XYLT1: variants seen among roughly 807,000 people sequenced by gnomAD.
XYLT1 encodes beta-D-xylosyltransferase 1.
XYLT1 carries 36 observed loss-of-function variants against 91.3 expected under a neutral mutation model. The observed-to-expected ratio is 0.39, with a 90% CI of 0.30 to 0.52. XYLT1 has a LOEUF of 0.52. Ranked by LOEUF, XYLT1 falls within the 20% of genes least tolerant of loss-of-function variation. XYLT1 has a pLI of 0.68. For synonymous variants in XYLT1, 588 were observed against 532.0 expected, an observed-to-expected ratio of 1.11 and a Z score of -1.45; for missense variants, 1,242 against 1,284.5, an observed-to-expected ratio of 0.97 and a Z score of 0.51.
At chr16:17,426,644 T>A (rs2036322436) in intron 1 of XYLT1, among the ~76,000 whole-genome samples, 1 of 152,238 alleles carries the variant, frequency 6.6e-6, no homozygotes, top group African/African-American at 2.4e-5. Flanking sequence ...CACCTGTTTC[T>A]GTAAATAAAG....
chr16:17,218,315 G>A (rs1190152917), intron 3 of XYLT1, among the ~76,000 whole-genome samples: 2 of 149,630 alleles, frequency 1.3e-5, no homozygotes, highest in African/African-American at 2.4e-5. Context: ...AAAACAAAGC[G>A]AAAAAGCAAA....
chr16:17,138,804 T>C, intron 7 of XYLT1: 2 of 351,514 alleles, frequency 5.7e-6, no homozygotes, highest in South Asian at 8.4e-5. Context: ...AAGGGACTCT[T>C]ATGTTCTCTG....
At chr16:17,224,046 C>T (rs749524877) in intron 3 of XYLT1, among the ~76,000 whole-genome samples, 12 of 152,210 alleles carry the variant, frequency 7.9e-5, no homozygotes, top group Non-Finnish European at 1.2e-4. Flanking sequence ...GACCAGACCT[C>T]GCTAGCTCTG....
intron 1 of XYLT1, among the ~76,000 whole-genome samples, chr16:17,410,256 G>A (rs973162635): frequency 3.8e-4 from 58 of 152,328 alleles, no homozygotes; most frequent in Admixed American, 3.5e-3. Context: ...GGTACATTAA[G>A]CTTTGATTCT....
chr16:17,451,764 G>A (rs1051427958), intron 1 of XYLT1, among the ~76,000 whole-genome samples: 18 of 152,088 alleles, frequency 1.2e-4, no homozygotes, highest in African/African-American at 3.9e-4. Context: ...CATCACCCCA[G>A]GGACCTGCTC....
intron 5 of XYLT1, among the ~76,000 whole-genome samples, chr16:17,168,535 A>G (rs561753841): frequency 6.6e-6 from 1 of 152,304 alleles, no homozygotes; most frequent in South Asian, 2.1e-4. Flanking sequence ...AAACCTCAGC[A>G]TCACACAATA....
chr16:17,448,669 T>G, intron 1 of XYLT1, among the ~76,000 whole-genome samples: 1 of 116,116 alleles, frequency 8.6e-6, no homozygotes, highest in African/African-American at 3.2e-5. Flanking sequence ...TAATGGAAGA[T>G]GAGGGTGAGG....
In XYLT1 at chr16:17,108,795, C is replaced by G; in HGVS notation, c.2780G>C (p.Cys927Ser). ...CTGGCTGCAGGTCTGCATGACCGGG[C>G]AGGCTGTGGGGCCCGTGGCACAGAT... is the stretch of plus-strand genomic sequence containing the variant. The part of the protein sequence containing the change: ...MDICATGPTA[C>S]PVMQTCSQTA... Residue 927 changes from cysteine (C) to serine (S), a missense_variant, in exon 12 of 12, where the codon TGC (cysteine) becomes TCC (serine). Cys to Ser is a moderately radical substitution (Grantham distance 112). Transcript: ENST00000261381. The G allele has an allele frequency of 1.2e-6, 2 of 1,611,580 alleles. No homozygotes were observed.
At chr16:17,191,107 G>C (rs1024709150) in intron 5 of XYLT1, among the ~76,000 whole-genome samples, 2 of 152,142 alleles carry the variant, frequency 1.3e-5, no homozygotes, top group African/African-American at 2.4e-5. Context: ...CTAGTGATAA[G>C]CAGAAAAGAG....
intron 1 of XYLT1, among the ~76,000 whole-genome samples, chr16:17,400,972 ACTCT>A (rs2035960514): frequency 7.6e-6 from 1 of 132,392 alleles, no homozygotes; most frequent in African/African-American, 3.2e-5. Context: ...TCTCTGTCTC[ACTCT>A]CTCTTTCATA....
chr16:17,138,025 A>T (rs2030811504), intron 8 of XYLT1, among the ~76,000 whole-genome samples: 1 of 133,104 alleles, frequency 7.5e-6, no homozygotes, highest in Non-Finnish European at 1.6e-5. Context: ...TCTGATGAAA[A>T]GGGAATAAAG....
chr16:17,159,710 C>A (rs2031501026), intron 5 of XYLT1, among the ~76,000 whole-genome samples: 1 of 152,202 alleles, frequency 6.6e-6, no homozygotes, highest in Non-Finnish European at 1.5e-5. Flanking sequence ...ATATGAAGTC[C>A]AATACAAACG....
chr16:17,368,562 G>T (rs1008849145), intron 1 of XYLT1, among the ~76,000 whole-genome samples: 35 of 62,910 alleles, frequency 5.6e-4, no homozygotes, highest in African/African-American at 7.2e-4. Flanking sequence ...TGGATAGATA[G>T]ATTTTTTTTT....
At chr16:17,404,104 G>C (rs539577065) in intron 1 of XYLT1, among the ~76,000 whole-genome samples, 2 of 152,266 alleles carry the variant, frequency 1.3e-5, no homozygotes, top group Non-Finnish European at 2.9e-5. Context: ...TGTGGTTGGG[G>C]GGGGGGCTCA....
At chr16:17,189,218 C>T (rs770973021) in intron 5 of XYLT1, among the ~76,000 whole-genome samples, 5 of 152,194 alleles carry the variant, frequency 3.3e-5, no homozygotes, top group African/African-American at 1.2e-4. Context: ...AAGCTTGGAC[C>T]TCACACTCTA....
chr16:17,232,767 G>A (rs2033186514), intron 3 of XYLT1, among the ~76,000 whole-genome samples: 1 of 152,004 alleles, frequency 6.6e-6, no homozygotes, highest in Non-Finnish European at 1.5e-5. Context: ...TAGTGATGAA[G>A]ATGGTGATGA....
chr16:17,286,767 C>T lies in XYLT1; in HGVS notation c.403-27269G>A, dbSNP rs367618297. Among the ~76,000 whole-genome samples the T allele has an allele frequency of 1.1e-4, 17 of 152,336 alleles. No individual in the cohort carries two copies. The East Asian group carries it at 1.2e-3, about 10-fold the overall frequency. On this transcript the variant is annotated intron_variant, in intron 2 of 11. Transcript: ENST00000261381. Reference sequence around the variant, plus strand: ...CCCAGGTAATCTGCCACCTTCACCACAAAGTATAGCCATCGTTGATTGTGT... The same window carrying T: ...CCCAGGTAATCTGCCACCTTCACCATAAAGTATAGCCATCGTTGATTGTGT...
At chr16:17,283,535 A>G (rs1031656041) in intron 2 of XYLT1, among the ~76,000 whole-genome samples, 1 of 152,230 alleles carries the variant, frequency 6.6e-6, no homozygotes, top group African/African-American at 2.4e-5. Context: ...TTGACATTCT[A>G]GAGTCTTTGA....
intron 1 of XYLT1, among the ~76,000 whole-genome samples, chr16:17,418,383 T>C (rs554395731): frequency 6.6e-6 from 1 of 152,230 alleles, no homozygotes; most frequent in Non-Finnish European, 1.5e-5. Flanking sequence ...CTTTTCTTTT[T>C]AACCATAGCC....
Sources: allele counts gnomAD v4.1 joint callset (sites outside exome capture counted in the v4.1 genomes callset), GRCh38; gene constraint gnomAD v4.1.1; transcripts MANE v1.5; gene names NCBI Gene and HGNC (gene_info 2026-07-23, HGNC 2026-07-21).